UST: variants seen among roughly 807,000 people sequenced by gnomAD.
The protein encoded by UST is uronyl 2-sulfotransferase.
In UST, 21 loss-of-function variants were observed where a neutral mutation model predicts 45.6. That is an observed-to-expected ratio of 0.46 (90% CI 0.33 to 0.66). The LOEUF is 0.66. Ranked by LOEUF, UST falls within the 30% of genes least tolerant of loss-of-function variation. The pLI, the probability that UST is intolerant of heterozygous loss-of-function variation, is 0.02. For missense variants in UST, 463 were observed against 512.4 expected, an observed-to-expected ratio of 0.90 and a Z score of 0.93; for synonymous variants, 215 against 200.6, an observed-to-expected ratio of 1.07 and a Z score of -0.61.
intron 1 of UST, among the ~76,000 whole-genome samples, chr6:148,863,476 C>G (rs1778358989): frequency 6.6e-6 from 1 of 151,986 alleles, no homozygotes; most frequent in African/African-American, 2.4e-5. Context: ...TTTGTTATTA[C>G]TGATTGTCTG....
At chr6:148,990,822 T>C (rs1344120403) in intron 5 of UST, among the ~76,000 whole-genome samples, 2 of 152,088 alleles carry the variant, frequency 1.3e-5, no homozygotes, top group Non-Finnish European at 2.9e-5. Context: ...ACAGTGACAC[T>C]CTCCTAGGAG....
intron 6 of UST, among the ~76,000 whole-genome samples, chr6:149,020,316 G>A (rs552007415): frequency 2.0e-5 from 3 of 152,072 alleles, no homozygotes; most frequent in Middle Eastern, 3.4e-3. Context: ...CCCTGCCCCC[G>A]ACCCTTGCCT....
intron 3 of UST, among the ~76,000 whole-genome samples, chr6:148,949,064 G>A (rs1490597223): frequency 6.6e-6 from 1 of 152,068 alleles, no homozygotes; most frequent in Non-Finnish European, 1.5e-5. Context: ...GCCAAGGCGG[G>A]TGGATCACCT....
At chr6:148,841,878 G>A (rs1461850720) in intron 1 of UST, among the ~76,000 whole-genome samples, 3 of 152,198 alleles carry the variant, frequency 2.0e-5, no homozygotes, top group Non-Finnish European at 4.4e-5. Context: ...GCCAAGGTGG[G>A]CAGATCACCT....
At chr6:148,989,686 A>G (rs1335325954) in intron 5 of UST, among the ~76,000 whole-genome samples, 1 of 152,198 alleles carries the variant, frequency 6.6e-6, no homozygotes, top group Non-Finnish European at 1.5e-5. Context: ...TCAGCCTCCC[A>G]AGAAGGGAGC....
At position 148,748,771 on chromosome 6, in the gene UST, A is replaced by C. The variant is rs1261159523; in HGVS notation, c.247+1094A>C. 1.3e-5 allele frequency among the ~76,000 whole-genome samples: 2 copies of C among 152,112 alleles called. No individual in the cohort carries two copies. Among genetic ancestry groups the C allele is most frequent in the African/African-American group, 2.4e-5 (1 of 41,420 alleles). Reference sequence around the variant, plus strand: ...CCTGAGCATCTGCACGATGAGAGCGAGTGCGGGGAAGCAGAGCCACCGAAG... The same window carrying C: ...CCTGAGCATCTGCACGATGAGAGCGCGTGCGGGGAAGCAGAGCCACCGAAG... On this transcript the variant is annotated intron_variant, in intron 1 of 7. Coordinates refer to ENST00000367463, the MANE Select transcript of UST (RefSeq NM_005715.3). This position sits in a 1 kb window ranked among gnomAD's most constrained non-coding sequence, Gnocchi z 5.3.
At chr6:148,948,657 T>C (rs1020441896) in intron 3 of UST, among the ~76,000 whole-genome samples, 1 of 152,372 alleles carries the variant, frequency 6.6e-6, no homozygotes, top group African/African-American at 2.4e-5. Flanking sequence ...TTAAAGCTTT[T>C]ATTTTTGTAT....
intron 2 of UST, among the ~76,000 whole-genome samples, chr6:148,940,358 G>A (rs1465236975): frequency 6.0e-5 from 9 of 150,374 alleles, no homozygotes; most frequent in Non-Finnish European, 1.3e-4. Flanking sequence ...TTAGCCAGTC[G>A]TGGTGTGTGC....
intron 7 of UST, among the ~76,000 whole-genome samples, chr6:149,031,649 T>C (rs1369876989): frequency 6.6e-6 from 1 of 152,270 alleles, no homozygotes; most frequent in Non-Finnish European, 1.5e-5. Flanking sequence ...CAGACATTGA[T>C]GTTCTAGGAA....
rs146813796 is a variant in UST, at chr6:148,908,488, T to A, written c.291+21459T>A. On this transcript the variant is annotated intron_variant, in intron 2 of 7. Coordinates refer to ENST00000367463, the MANE Select transcript of UST (RefSeq NM_005715.3). ...GGTGGTATATATTTTTATTTTAGTGTATGAGAAAGTCAACCATTGCTATCC... is the reference window on the plus strand; with the variant it reads ...GGTGGTATATATTTTTATTTTAGTGAATGAGAAAGTCAACCATTGCTATCC... 5.9e-3 allele frequency among the ~76,000 whole-genome samples: 901 copies of A among 152,322 alleles called. 9 individuals are homozygous for A. The highest frequency in any genetic ancestry group is 0.02 in the African/African-American group (844 of 41,570).
At chr6:148,793,626 A>T (rs943574603) in intron 1 of UST, among the ~76,000 whole-genome samples, 8 of 152,198 alleles carry the variant, frequency 5.3e-5, no homozygotes, top group Non-Finnish European at 1.2e-4. Flanking sequence ...AATGCAGTGC[A>T]CTACATCACA....
intron 2 of UST, among the ~76,000 whole-genome samples, chr6:148,897,193 A>T (rs1228311954): frequency 6.6e-6 from 1 of 151,902 alleles, no homozygotes; most frequent in Non-Finnish European, 1.5e-5. Flanking sequence ...TTTGAGACTG[A>T]GTCTCACACT....
chr6:148,755,930 A>G (rs1776087410), intron 1 of UST, among the ~76,000 whole-genome samples: 1 of 151,972 alleles, frequency 6.6e-6, no homozygotes, highest in African/African-American at 2.4e-5. Flanking sequence ...ATACGTATAC[A>G]TGTGCCATCT....
chr6:148,979,551 A>G (rs568975886), intron 5 of UST, among the ~76,000 whole-genome samples: 1 of 152,294 alleles, frequency 6.6e-6, no homozygotes, highest in South Asian at 2.1e-4. Context: ...AAAAGGGAGA[A>G]ATCTTTGACT....
At chr6:148,760,763 G>A (rs1025760932) in intron 1 of UST, among the ~76,000 whole-genome samples, 1 of 151,712 alleles carries the variant, frequency 6.6e-6, no homozygotes, top group Non-Finnish European at 1.5e-5. Context: ...CATCTCCCCA[G>A]GAAATAGAAC....
chr6:149,008,188 A>T (rs1409406236), intron 5 of UST, among the ~76,000 whole-genome samples: 1 of 152,244 alleles, frequency 6.6e-6, no homozygotes, highest in African/African-American at 2.4e-5. Flanking sequence ...TTTGCAAAAA[A>T]TGAGGCATTT....
At chr6:149,041,914 A>T (rs1776320125) in intron 7 of UST, among the ~76,000 whole-genome samples, 1 of 152,248 alleles carries the variant, frequency 6.6e-6, no homozygotes, top group African/African-American at 2.4e-5. Context: ...AATGATCTAG[A>T]ATACAATATA....
At chr6:148,968,002 C>G (rs779472377) in intron 5 of UST, among the ~76,000 whole-genome samples, 1 of 152,140 alleles carries the variant, frequency 6.6e-6, no homozygotes, top group Non-Finnish European at 1.5e-5. Flanking sequence ...GATGAGGACT[C>G]TCTCATTTTA....
chr6:148,816,001 T>A (rs1007175903), intron 1 of UST, among the ~76,000 whole-genome samples: 1 of 152,226 alleles, frequency 6.6e-6, no homozygotes, highest in Non-Finnish European at 1.5e-5. Flanking sequence ...ACCTGATGTG[T>A]TTCATGCCAA....
Sources: allele counts gnomAD v4.1 joint callset (sites outside exome capture counted in the v4.1 genomes callset), GRCh38; gene constraint gnomAD v4.1.1; non-coding constraint Gnocchi (gnomAD v3.1); transcripts MANE v1.5; gene names NCBI Gene and HGNC (gene_info 2026-07-23, HGNC 2026-07-21).